GNG7: variants seen among roughly 807,000 people sequenced by gnomAD.
GNG7 encodes the protein G protein subunit gamma 7.
Under a neutral mutation model 4.0 loss-of-function variants are expected in GNG7, and 1 was observed. That is an observed-to-expected ratio of 0.25 (90% confidence interval 0.09 to 1.18). The LOEUF (loss-of-function observed/expected upper bound fraction) is 1.18, where lower values mean the gene tolerates loss of function less well. Ranked by LOEUF, GNG7 falls within the 50% of genes most tolerant of loss-of-function variation. The pLI, the probability that GNG7 is intolerant of heterozygous loss-of-function variation, is 0.50. For missense variants in GNG7, 86 were observed against 91.9 expected (o/e 0.94, Z 0.26); for synonymous variants, 34 against 36.9 (o/e 0.92, Z 0.29).
At chr19:2,622,765 C>T (rs1173766569) in intron 2 of GNG7, among the ~76,000 whole-genome samples, 1 of 143,904 alleles carries the variant, frequency 6.9e-6, no homozygotes, top group African/African-American at 2.6e-5. Context: ...ATGCGAGCAA[C>T]GCGGCAGAGA....
chr19:2,542,974 G>A lies in GNG7; in HGVS notation c.-38+12175C>T, dbSNP rs561691468. Among the ~76,000 whole-genome samples the A allele has an allele frequency of 6.7e-5, 10 of 149,662 alleles. No homozygotes were observed. The East Asian group carries it at 1.2e-3, about 18-fold the overall frequency. Reference sequence around the variant, plus strand: ...GTCACCCAGGCTGGAGTGCAATGACGCCATCTCGGCTCCCTGCAACCTCCG... The same window carrying A: ...GTCACCCAGGCTGGAGTGCAATGACACCATCTCGGCTCCCTGCAACCTCCG... On this transcript the variant is annotated intron_variant, in intron 3 of 4. Coordinates refer to ENST00000382159, the MANE Select transcript of GNG7 (RefSeq NM_052847.3).
In GNG7 at chr19:2,598,236, T is replaced by C. The variant is rs183232406; in HGVS notation, c.-77-43048A>G. 9.2e-5 allele frequency among the ~76,000 whole-genome samples: 14 copies of C among 152,180 alleles called. No homozygotes were observed. In the Middle Eastern group the frequency reaches 0.014, roughly 148 times the overall value. On this transcript the variant is annotated intron_variant, in intron 2 of 4. Coordinates refer to ENST00000382159, the MANE Select transcript of GNG7 (RefSeq NM_052847.3). ...CAAAAGAACTCACAATCAAAACTAG[T>C]GGGCGGCCGGGCGCGGTGGCTCATA...
chr19:2,686,309 C>A (rs1983870047), intron 1 of GNG7, among the ~76,000 whole-genome samples: 1 of 152,186 alleles, frequency 6.6e-6, no homozygotes, highest in Non-Finnish European at 1.5e-5. Flanking sequence ...AGGCACCCGC[C>A]ACCACGCCTG....
At chr19:2,540,106 CT>C (rs1481384082) in intron 3 of GNG7, among the ~76,000 whole-genome samples, 37 of 119,152 alleles carry the variant, frequency 3.1e-4, no homozygotes, top group African/African-American at 1.1e-3. Flanking sequence ...TTCTCAATTT[CT>C]TTCTTTTCTT....
intron 1 of GNG7, chr19:2,701,121 C>G (rs1453236769): frequency 1.3e-5 from 2 of 152,126 alleles, no homozygotes; most frequent in Non-Finnish European, 2.9e-5. Context: ...CCTTGGCACC[C>G]TATATCCTAG....
intron 2 of GNG7, among the ~76,000 whole-genome samples, chr19:2,571,440 A>G (rs1980142546): frequency 6.6e-6 from 1 of 152,004 alleles, no homozygotes; most frequent in African/African-American, 2.4e-5. Flanking sequence ...CCAAACTGGA[A>G]CCATCTCAAT....
At chr19:2,619,195 C>T (rs1193736004) in intron 2 of GNG7, among the ~76,000 whole-genome samples, 1 of 152,162 alleles carries the variant, frequency 6.6e-6, no homozygotes, top group Non-Finnish European at 1.5e-5. Context: ...TCGTCAGGAC[C>T]AGAGAGTTTG....
intron 1 of GNG7, among the ~76,000 whole-genome samples, chr19:2,663,666 GA>G (rs1313776252): frequency 1.3e-4 from 20 of 152,258 alleles, no homozygotes; most frequent in African/African-American, 4.6e-4. Flanking sequence ...CAAAAGCCCA[GA>G]TGGATAAGGT....
chr19:2,699,662 G>T (rs1913353461), intron 1 of GNG7, among the ~76,000 whole-genome samples: 1 of 152,186 alleles, frequency 6.6e-6, no homozygotes, highest in Non-Finnish European at 1.5e-5. Context: ...CCTACAGGAC[G>T]CTGGGTGATA....
In GNG7 at chr19:2,602,134, C is replaced by T. The variant is rs561145918; in HGVS notation, c.-78+44090G>A. 6.6e-5 allele frequency among the ~76,000 whole-genome samples: 10 copies of T among 152,024 alleles called. No homozygotes were observed. The South Asian group carries it at 1.2e-3, about 19-fold the overall frequency. ...GGCAGGTCACCTGAGGTCAGGAGTT[C>T]GAGACCAGCCTGGCCAACATGGTGA... On this transcript the variant is annotated intron_variant, in intron 2 of 4. Coordinates refer to ENST00000382159, the MANE Select transcript of GNG7 (RefSeq NM_052847.3).
At chr19:2,655,249 A>G (rs933332499) in intron 1 of GNG7, among the ~76,000 whole-genome samples, 1 of 151,890 alleles carries the variant, frequency 6.6e-6, no homozygotes, top group African/African-American at 2.4e-5. Context: ...CTCAAAAAAA[A>G]GAGGGGGTTA....
At chr19:2,540,406 C>T (rs1367888591) in intron 3 of GNG7, among the ~76,000 whole-genome samples, 1 of 152,190 alleles carries the variant, frequency 6.6e-6, no homozygotes, top group African/African-American at 2.4e-5. Flanking sequence ...CCTGCCTCAG[C>T]CTCCCAAAGT....
chr19:2,669,798 C>T (rs1983404295), intron 1 of GNG7, among the ~76,000 whole-genome samples: 1 of 151,594 alleles, frequency 6.6e-6, no homozygotes. Flanking sequence ...TCACTTGAGG[C>T]CAGGAGTTTA....
chr19:2,605,099 T>C (rs941738157), intron 2 of GNG7, among the ~76,000 whole-genome samples: 1 of 152,204 alleles, frequency 6.6e-6, no homozygotes, highest in Non-Finnish European at 1.5e-5. Flanking sequence ...TCCTCCAGCT[T>C]CTGGGGCCTC....
chr19:2,576,885 T>C (rs926365739), intron 2 of GNG7, among the ~76,000 whole-genome samples: 6 of 151,120 alleles, frequency 4.0e-5, no homozygotes, highest in African/African-American at 1.2e-4. Flanking sequence ...GGTCTCGCTA[T>C]GTGGCCCAGG....
chr19:2,597,034 A>C (rs760808650), intron 2 of GNG7, among the ~76,000 whole-genome samples: 1 of 151,990 alleles, frequency 6.6e-6, no homozygotes, highest in Non-Finnish European at 1.5e-5. Flanking sequence ...TGAGGTGGGA[A>C]GATCACTTGA....
intron 2 of GNG7, among the ~76,000 whole-genome samples, chr19:2,585,652 T>A (rs1980649153): frequency 6.6e-6 from 1 of 152,192 alleles, no homozygotes; most frequent in African/African-American, 2.4e-5. Flanking sequence ...AAAAACAAAA[T>A]GGAGACATCA....
chr19:2,637,212 T>TCCC (rs55756245), intron 2 of GNG7, among the ~76,000 whole-genome samples: 20,446 of 150,856 alleles, frequency 0.14, 1,976 homozygotes, highest in East Asian at 0.49. Context: ...AGGAACAGGC[T>TCCC]CCCCCCGCCC....
chr19:2,538,295 T>C (rs1241495041), intron 3 of GNG7: 3 of 456,186 alleles, frequency 6.6e-6, no homozygotes, highest in African/African-American at 2.0e-5. Context: ...AGGTCAATTT[T>C]AGAGAGATCC....
Sources: allele counts gnomAD v4.1 joint callset (sites outside exome capture counted in the v4.1 genomes callset), GRCh38; gene constraint gnomAD v4.1.1; transcripts MANE v1.5; gene names NCBI Gene and HGNC (gene_info 2026-07-23, HGNC 2026-07-21).